The following BCAS3 variants were observed in gnomAD, a reference collection of about 807,000 sequenced individuals.
The protein encoded by BCAS3 is BCAS4/BCAS3 fusion.
A neutral mutation model predicts 116.1 loss-of-function variants in BCAS3; 53 were observed. The ratio of observed to expected loss-of-function variants is 0.46; its 90% CI spans 0.37 to 0.57. BCAS3 has a LOEUF of 0.57. BCAS3 is among the 20% of genes least tolerant of loss of function. The probability of loss-of-function intolerance (pLI) is 0.00; values close to 1 mark genes in which losing one functional copy is unlikely to be tolerated. For missense variants in BCAS3, 917 were observed against 1,165.4 expected (o/e 0.79, Z 3.10); for synonymous variants, 391 against 408.2 (o/e 0.96, Z 0.51).
intron 10 of BCAS3, among the ~76,000 whole-genome samples, chr17:60,895,627 A>G (rs761394826): frequency 4.9e-4 from 74 of 152,092 alleles, no homozygotes; most frequent in Non-Finnish European, 9.7e-4. Flanking sequence ...CTTTGGGTGC[A>G]TTGTTAGATT....
At chr17:60,955,673 C>T (rs188032117) in intron 14 of BCAS3, among the ~76,000 whole-genome samples, 13 of 152,152 alleles carry the variant, frequency 8.5e-5, no homozygotes, top group Admixed American at 7.9e-4. Context: ...CATGAGCCAC[C>T]GTGCCCGGCT....
intron 7 of BCAS3, among the ~76,000 whole-genome samples, chr17:60,812,161 T>C (rs2048892915): frequency 6.6e-6 from 1 of 152,208 alleles, no homozygotes; most frequent in African/African-American, 2.4e-5. Flanking sequence ...TAGGTGAGCA[T>C]ATGGTGATGT....
At chr17:61,369,253 T>A (rs2143521834) in intron 23 of BCAS3, among the ~76,000 whole-genome samples, 1 of 152,358 alleles carries the variant, frequency 6.6e-6, no homozygotes, top group Non-Finnish European at 1.5e-5. Flanking sequence ...TGACAGAGGC[T>A]GCCCCAGCAG....
chr17:61,026,729 C>G lies in BCAS3; in HGVS notation c.1638-7937C>G, dbSNP rs2066272542. On this transcript the variant is annotated intron_variant, in intron 16 of 23. Transcript: ENST00000407086. This position sits in a 1 kb window ranked among gnomAD's most constrained non-coding sequence, Gnocchi z 5.0. The stretch of plus-strand genomic sequence containing the variant: ...TATTGGTTATATCAGACAGTATGTA[C>G]AGCAGAATTGTAAATGATTACTAAT... The G allele has an allele frequency of 1.3e-6, 1 of 789,986 alleles. No homozygotes were observed. 48.9% of individuals were successfully genotyped at this position (789,986 alleles called of 1,614,324 possible).
intron 3 of BCAS3, 99 bp from the exon 4 acceptor site, chr17:60,689,587 G>A: frequency 1.1e-5 from 8 of 706,092 alleles, no homozygotes; most frequent in Non-Finnish European, 1.9e-5. Flanking sequence ...TGGTGAAGTT[G>A]GAGAGGTATA....
At chr17:61,231,906 C>T (rs1220219860) in intron 22 of BCAS3, among the ~76,000 whole-genome samples, 1 of 137,098 alleles carries the variant, frequency 7.3e-6, no homozygotes, top group Non-Finnish European at 1.6e-5. Flanking sequence ...AAGAAGGAAA[C>T]AAAGAAAGAA....
Position 61,083,751 on chromosome 17 carries a change from A to G in BCAS3, c.2328-716A>G, listed in dbSNP as rs1251778635. On this transcript the variant is annotated intron_variant, in intron 21 of 23. Transcript: ENST00000407086. The surrounding 1 kb of genome is among the most constrained non-coding windows in gnomAD (Gnocchi z 4.9). The stretch of plus-strand genomic sequence containing the variant: ...GCTGGGACTATAGGTGCATGCCACC[A>G]CACCCGGCTAATTTTTGCATTTTTA... Among the ~76,000 whole-genome samples, 1 of 152,020 alleles carries G rather than the reference A, an allele frequency of 6.6e-6. No individual in the cohort carries two copies. Among genetic ancestry groups the G allele is most frequent in the East Asian group, 1.9e-4 (1 of 5,192 alleles).
Position 61,322,794 on chromosome 17 carries a change from CAGAGAGAGAG to C in BCAS3, c.2426-45507_2426-45498del, listed in dbSNP as rs35581770. Among the ~76,000 whole-genome samples, 142 of 99,686 alleles carry C rather than the reference CAGAGAGAGAG, an allele frequency of 1.4e-3. 2 individuals carry two copies. The highest frequency in any genetic ancestry group is 5.6e-3 in the Middle Eastern group (1 of 180). 65.4% of individuals were successfully genotyped at this position (99,686 alleles called of 152,430 possible). ...TTAAGCCTCTCTTGAGAGAGAGAGACAGAGAGAGAGAGAGAGAGAGAGAGAGAGAGAGAGA... is the reference window on the plus strand; with the variant it reads ...TTAAGCCTCTCTTGAGAGAGAGAGACAGAGAGAGAGAGAGAGAGAGAGAGA... On this transcript the variant is annotated intron_variant, in intron 22 of 23. Transcript: ENST00000407086.
chr17:61,279,721 G>A lies in BCAS3; in HGVS notation c.2426-88606G>A, dbSNP rs4968546. ...ACCACAAACCATGTTTAAAATAGTG[G>A]GCTAAGCCACTGGGCCTCCATGGTG... is the stretch of plus-strand genomic sequence containing the variant. On this transcript the variant is annotated intron_variant, in intron 22 of 23. Coordinates refer to ENST00000407086, the MANE Select transcript of BCAS3 (RefSeq NM_017679.5). This position sits in a 1 kb window ranked among gnomAD's most constrained non-coding sequence, Gnocchi z 4.4. Among the ~76,000 whole-genome samples, 21,554 of 151,430 alleles carry A rather than the reference G, an allele frequency of 0.14. 1,592 individuals carry two copies. The highest frequency in any genetic ancestry group is 0.23 in the South Asian group (1,076 of 4,778).
intron 22 of BCAS3, among the ~76,000 whole-genome samples, chr17:61,280,914 G>A (rs1275027108): frequency 1.3e-5 from 2 of 152,188 alleles, no homozygotes; most frequent in African/African-American, 4.8e-5. Flanking sequence ...TTGGCCTGCT[G>A]TATTCCCGCA....
Position 61,316,579 on chromosome 17 carries a change from G to A in BCAS3, c.2426-51748G>A, listed in dbSNP as rs915863452. 2.0e-5 allele frequency among the ~76,000 whole-genome samples: 3 copies of A among 151,976 alleles called. No homozygotes were observed. The highest frequency in any genetic ancestry group is 2.9e-5 in the Non-Finnish European group (2 of 68,024). ...ACCCCTCTGCACAGCTTTCCTCTTCGCTGCTAGGCAGACTCAGAGGGGCCT... is the reference window on the plus strand; with the variant it reads ...ACCCCTCTGCACAGCTTTCCTCTTCACTGCTAGGCAGACTCAGAGGGGCCT... On this transcript the variant is annotated intron_variant, in intron 22 of 23. Transcript: ENST00000407086. This position sits in a 1 kb window ranked among gnomAD's most constrained non-coding sequence, Gnocchi z 5.8.
At chr17:61,212,559 A>AT (rs1327954454) in intron 22 of BCAS3, among the ~76,000 whole-genome samples, 2,039 of 149,876 alleles carry the variant, frequency 0.014, 20 homozygotes, top group African/African-American at 0.029. Context: ...TATATATATA[A>AT]AAACTATATT....
intron 19 of BCAS3, among the ~76,000 whole-genome samples, chr17:61,072,053 G>C (rs1483151914): frequency 1.3e-5 from 2 of 152,054 alleles, no homozygotes; most frequent in African/African-American, 4.8e-5. Flanking sequence ...TTCCAAGTAT[G>C]CTTAATTAGA....
At chr17:60,722,692 TG>T (rs1292192545) in intron 5 of BCAS3, among the ~76,000 whole-genome samples, 2 of 144,188 alleles carry the variant, frequency 1.4e-5, no homozygotes, top group Non-Finnish European at 3.0e-5. Flanking sequence ...ACCTGGGAGG[TG>T]GAGGTTGCAG....
intron 7 of BCAS3, among the ~76,000 whole-genome samples, chr17:60,854,638 C>A (rs1449223661): frequency 6.6e-6 from 1 of 152,146 alleles, no homozygotes; most frequent in Admixed American, 6.5e-5. Context: ...ATCAAAACCA[C>A]AATGAGATAC....
At chr17:60,726,886 A>G (rs2039932223) in intron 5 of BCAS3, among the ~76,000 whole-genome samples, 1 of 152,160 alleles carries the variant, frequency 6.6e-6, no homozygotes. Context: ...TAACTGGAAT[A>G]TTCAGAATGC....
At chr17:60,978,278 T>C (rs960827460) in intron 14 of BCAS3, among the ~76,000 whole-genome samples, 3 of 140,862 alleles carry the variant, frequency 2.1e-5, no homozygotes, top group Non-Finnish European at 3.0e-5. Context: ...TTTCATGTGT[T>C]TTTTGGCTGC....
chr17:60,845,705 G>A (rs142719613), intron 7 of BCAS3, among the ~76,000 whole-genome samples: 106 of 151,898 alleles, frequency 7.0e-4, no homozygotes, highest in African/African-American at 2.2e-3. Context: ...AAATGCTATC[G>A]TTCCTAGAGG....
chr17:60,823,250 A>T (rs1211263815), intron 7 of BCAS3, among the ~76,000 whole-genome samples: 2 of 152,088 alleles, frequency 1.3e-5, no homozygotes, highest in Non-Finnish European at 2.9e-5. Flanking sequence ...AGCACCCTTG[A>T]TTTTAGTTTT....
Sources: allele counts gnomAD v4.1 joint callset (sites outside exome capture counted in the v4.1 genomes callset), GRCh38; gene constraint gnomAD v4.1.1; non-coding constraint Gnocchi (gnomAD v3.1); transcripts MANE v1.5; gene names NCBI Gene and HGNC (gene_info 2026-07-23, HGNC 2026-07-21).